The following TBCA variants were observed in gnomAD, a reference collection of about 807,000 sequenced individuals.
TBCA encodes tubulin folding cofactor A, also known as tubulin-specific chaperone A.
In TBCA, 6 loss-of-function variants were observed where a neutral mutation model predicts 15.8. The ratio of observed to expected loss-of-function variants is 0.38; its 90% CI spans 0.21 to 0.75. The LOEUF (loss-of-function observed/expected upper bound fraction) is 0.75, where lower values mean the gene tolerates loss of function less well. Ranked by LOEUF, TBCA falls within the 30% of genes least tolerant of loss-of-function variation. TBCA has a pLI of 0.46. For missense variants in TBCA, 90 were observed against 131.2 expected (o/e 0.69, Z 1.53); for synonymous variants, 32 against 42.3 (o/e 0.76, Z 0.94).
At chr5:77,731,786 T>A (rs1355450248) in intron 1 of TBCA, among the ~76,000 whole-genome samples, 1 of 152,186 alleles carries the variant, frequency 6.6e-6, no homozygotes, top group African/African-American at 2.4e-5. Flanking sequence ...CTTTATGGCA[T>A]CCAGGTTTTA....
chr5:77,700,677 C>T (rs528699439), intron 2 of TBCA, among the ~76,000 whole-genome samples: 46 of 152,172 alleles, frequency 3.0e-4, no homozygotes, highest in Non-Finnish European at 2.6e-4. Context: ...ACAAAAACCA[C>T]ACGAATACAA....
Position 77,752,531 on chromosome 5 carries a change from TTTTTGTTTTG to T in TBCA, c.53+23664_53+23673del, listed in dbSNP as rs147708459. On this transcript the variant is annotated intron_variant, in intron 1 of 3. Transcript: ENST00000380377. ...GGCACATGCCACCATGTCCGGCTTA[TTTTTGTTTTG>T]TTTTGTTTTGTTTTGTTTTTCTTTT... 2.3e-4 allele frequency among the ~76,000 whole-genome samples: 27 copies of T among 117,276 alleles called. 4 individuals are homozygous for T. Among genetic ancestry groups the T allele is most frequent in the African/African-American group, 7.7e-4 (25 of 32,642 alleles). 76.9% of individuals were successfully genotyped at this position (117,276 alleles called of 152,430 possible).
rs139577539 is a variant in TBCA, at chr5:77,698,112, C to G, written c.160-4760G>C. ...TCCAGCCTGGGCGACAGAGTGAAAC[C>G]CTGTCTCAAAAAAATAGTAATAAAA... On this transcript the variant is annotated intron_variant, in intron 2 of 3. Coordinates refer to ENST00000380377, the MANE Select transcript of TBCA (RefSeq NM_004607.3). Among the ~76,000 whole-genome samples the G allele has an allele frequency of 4.8e-3, 719 of 150,994 alleles. 4 individuals carry two copies. Among genetic ancestry groups the G allele is most frequent in the Middle Eastern group, 0.031 (9 of 292 alleles).
At chr5:77,699,484 G>A (rs1383106281) in intron 2 of TBCA, among the ~76,000 whole-genome samples, 1 of 152,106 alleles carries the variant, frequency 6.6e-6, no homozygotes, top group East Asian at 1.9e-4. Flanking sequence ...TCAATGAAAG[G>A]AAGACAGCCT....
chr5:77,745,256 A>T (rs956941507), intron 1 of TBCA, among the ~76,000 whole-genome samples: 7 of 152,182 alleles, frequency 4.6e-5, no homozygotes, highest in East Asian at 3.9e-4. Flanking sequence ...TATAAAAGTG[A>T]TATTACCTTA....
chr5:77,766,951 A>G (rs1169964058), intron 1 of TBCA, among the ~76,000 whole-genome samples: 1 of 152,220 alleles, frequency 6.6e-6, no homozygotes, highest in Non-Finnish European at 1.5e-5. Context: ...AAGCAATGAT[A>G]TATCAGACAC....
At chr5:77,694,961 C>T (rs1745842232) in intron 2 of TBCA, among the ~76,000 whole-genome samples, 2 of 152,148 alleles carry the variant, frequency 1.3e-5, no homozygotes, top group South Asian at 4.1e-4. Flanking sequence ...CATTTAACCA[C>T]TGCCATTAAA....
intron 1 of TBCA, among the ~76,000 whole-genome samples, chr5:77,731,773 T>C (rs1399861423): frequency 6.6e-6 from 1 of 152,222 alleles, no homozygotes; most frequent in African/African-American, 2.4e-5. Context: ...CTATCAATCT[T>C]TTCTTTATGG....
At chr5:77,738,496 G>C (rs1332121739) in intron 1 of TBCA, among the ~76,000 whole-genome samples, 2 of 152,224 alleles carry the variant, frequency 1.3e-5, no homozygotes, top group Non-Finnish European at 2.9e-5. Context: ...CAAGCAGTCA[G>C]TAACATTTAG....
chr5:77,769,950 A>C (rs1389853499), intron 1 of TBCA, among the ~76,000 whole-genome samples: 2 of 152,350 alleles, frequency 1.3e-5, no homozygotes, highest in South Asian at 2.1e-4. Context: ...AGCCATTACC[A>C]ATCCAAAATG....
chr5:77,761,548 G>GT (rs1561284148), intron 1 of TBCA, among the ~76,000 whole-genome samples: 1 of 151,774 alleles, frequency 6.6e-6, no homozygotes, highest in African/African-American at 2.4e-5. Context: ...CTTTGTTCAC[G>GT]TGTTTATCTG....
chr5:77,737,772 T>C (rs995497459), intron 1 of TBCA, among the ~76,000 whole-genome samples: 2 of 152,144 alleles, frequency 1.3e-5, no homozygotes, highest in South Asian at 2.1e-4. Context: ...CCCTAAAATG[T>C]TTAAAAGTTG....
chr5:77,730,171 T>C (rs938998970), intron 1 of TBCA, among the ~76,000 whole-genome samples: 8 of 152,218 alleles, frequency 5.3e-5, no homozygotes, highest in African/African-American at 1.9e-4. Context: ...AATCTCAGAA[T>C]GTGATCTTCT....
At chr5:77,760,663 TC>T (rs1015059444) in intron 1 of TBCA, among the ~76,000 whole-genome samples, 4 of 152,192 alleles carry the variant, frequency 2.6e-5, no homozygotes, top group African/African-American at 7.2e-5. Flanking sequence ...CCTCTAGTGA[TC>T]CGCCTGCCTC....
intron 1 of TBCA, among the ~76,000 whole-genome samples, chr5:77,755,993 G>A (rs923286130): frequency 4.6e-5 from 7 of 152,070 alleles, no homozygotes; most frequent in African/African-American, 1.4e-4. Context: ...CAACAAGAGC[G>A]AAACTTTATC....
chr5:77,708,309 T>C lies in TBCA; in HGVS notation c.92A>G (p.Lys31Arg), dbSNP rs753136990. Residue 31 changes from lysine (K) to arginine (R), a missense_variant, in exon 2 of 4, where the codon AAA (lysine) becomes AGA (arginine). Transcript: ENST00000380377. The stretch of plus-strand genomic sequence containing the variant: ...TTTTTCAATCTTTTCTTCTTGTTGT[T>C]TTGCCTCTTTTTCATACATCACTTT... ...KEKVMYEKEA[K>R]QQEEKIEKMR... is the part of the protein sequence containing the mutation. 1 of 1,611,598 alleles carries C rather than the reference T, an allele frequency of 6.2e-7. No homozygotes were observed. Among genetic ancestry groups the C allele is most frequent in the South Asian group, 1.1e-5 (1 of 90,670 alleles).
intron 2 of TBCA, among the ~76,000 whole-genome samples, chr5:77,706,810 TAA>T (rs370852221): frequency 1.1e-4 from 12 of 108,408 alleles, no homozygotes; most frequent in African/African-American, 1.5e-4. Context: ...GACTCCATCT[TAA>T]AAAAAAAAAA....
intron 2 of TBCA, among the ~76,000 whole-genome samples, chr5:77,699,246 G>C (rs1402630328): frequency 6.6e-6 from 1 of 151,742 alleles, no homozygotes. Flanking sequence ...TATAGATACA[G>C]ACAAGCTTAT....
chr5:77,697,583 T>C (rs1162682796), intron 2 of TBCA, among the ~76,000 whole-genome samples: 5 of 152,026 alleles, frequency 3.3e-5, no homozygotes, highest in South Asian at 4.2e-4. Context: ...AAATATAACA[T>C]GTCAAATTTT....
Sources: gnomAD v4.1 joint callset for allele counts (sites outside exome capture counted in the v4.1 genomes callset) on GRCh38, gnomAD v4.1.1 for gene constraint, MANE v1.5 for transcripts, NCBI Gene and HGNC (gene_info 2026-07-23, HGNC 2026-07-21) for gene names.